Variants in CNNM2 observed in about 807,000 individuals in gnomAD.
CNNM2 encodes cyclin and CBS domain divalent metal cation transport mediator 2.
Under a neutral mutation model 66.9 loss-of-function variants are expected in CNNM2, and 12 were observed. The observed-to-expected ratio is 0.18, with a 90% confidence interval of 0.11 to 0.29. The LOEUF (loss-of-function observed/expected upper bound fraction) is 0.29, where lower values mean the gene tolerates loss of function less well. Among genes scored for constraint, CNNM2 ranks in the 10% least tolerant of loss-of-function variants. The probability of loss-of-function intolerance (pLI) is 1.00; values close to 1 mark genes in which losing one functional copy is unlikely to be tolerated. For synonymous variants in CNNM2, 557 were observed against 501.8 expected, an observed-to-expected ratio of 1.11 and a Z score of -1.47; for missense variants, 705 against 1,167.7, an observed-to-expected ratio of 0.60 and a Z score of 5.77.
chr10:103,022,071 A>G (rs1224682518), intron 1 of CNNM2, among the ~76,000 whole-genome samples: 1 of 152,202 alleles, frequency 6.6e-6, no homozygotes, highest in Non-Finnish European at 1.5e-5. Context: ...TAGGAATTTC[A>G]TCATGGGACT....
In CNNM2 at chr10:102,918,371, A is replaced by T. The variant is rs555951352; in HGVS notation, c.-110A>T. 210 of 1,494,516 alleles carry T rather than the reference A, an allele frequency of 1.4e-4. No individual in the cohort carries two copies. In the South Asian group the frequency reaches 2.4e-3, roughly 17 times the overall value. 92.6% of individuals were successfully genotyped at this position (1,494,516 alleles called of 1,614,324 possible). A position where few individuals can be genotyped will look rare whatever the true frequency, so the allele number is the denominator to read the frequency against. On this transcript the variant is annotated 5_prime_UTR_variant, in exon 1 of 8. Coordinates refer to ENST00000369878, the MANE Select transcript of CNNM2 (RefSeq NM_017649.5). The surrounding 1 kb of genome is among the most constrained non-coding windows in gnomAD (Gnocchi z 4.1). ...GAGTCAGTGTCAGTCAGGGAGGCGA[A>T]CTGCTGAGCACTGGCCGCGGACGCT... is the stretch of plus-strand genomic sequence containing the variant.
chr10:102,929,235 T>C (rs1186311176), intron 1 of CNNM2, among the ~76,000 whole-genome samples: 1 of 151,958 alleles, frequency 6.6e-6, no homozygotes, highest in East Asian at 1.9e-4. Context: ...ACTCCGCCTG[T>C]GCGACAGAGC....
Position 103,018,443 on chromosome 10 carries a change from T to C in CNNM2, c.1622-31264T>C, listed in dbSNP as rs182273666. Among the ~76,000 whole-genome samples the C allele has an allele frequency of 3.4e-3, 510 of 152,224 alleles. 8 individuals are homozygous for C. Among genetic ancestry groups the C allele is most frequent in the Admixed American group, 1.8e-3 (28 of 15,286 alleles). On this transcript the variant is annotated intron_variant, in intron 1 of 7. Coordinates refer to ENST00000369878, the MANE Select transcript of CNNM2 (RefSeq NM_017649.5). Reference sequence around the variant, plus strand: ...TGTATAAATCCAGAATTCAGAGGAATGATCTGGAGGGAGACATAAAAGATC... The same window carrying C: ...TGTATAAATCCAGAATTCAGAGGAACGATCTGGAGGGAGACATAAAAGATC...
At chr10:102,973,456 A>G (rs1170991298) in intron 1 of CNNM2, among the ~76,000 whole-genome samples, 3 of 151,764 alleles carry the variant, frequency 2.0e-5, no homozygotes, top group African/African-American at 7.3e-5. Flanking sequence ...AATGTGTGCA[A>G]TGTGAGCCTA....
intron 4 of CNNM2, among the ~76,000 whole-genome samples, chr10:103,059,460 A>T (rs946160512): frequency 6.6e-6 from 1 of 152,268 alleles, no homozygotes; most frequent in Admixed American, 6.5e-5. Flanking sequence ...ATTCCAAATT[A>T]TTCAAGGAAA....
At chr10:103,003,705 T>C (rs141356281) in intron 1 of CNNM2, among the ~76,000 whole-genome samples, 1 of 151,980 alleles carries the variant, frequency 6.6e-6, no homozygotes, top group African/African-American at 2.4e-5. Flanking sequence ...CCCAGGATGC[T>C]GTGGTTGCAT....
chr10:103,036,305 T>G (rs750560923), intron 1 of CNNM2, among the ~76,000 whole-genome samples: 1 of 152,028 alleles, frequency 6.6e-6, no homozygotes, highest in Non-Finnish European at 1.5e-5. Flanking sequence ...ATGGGAGAAA[T>G]TTCTTCTCTC....
At chr10:102,920,192 A>G in intron 1 of CNNM2, 91 bp downstream of exon 1, 2 of 1,610,022 alleles carry the variant, frequency 1.2e-6, no homozygotes, top group Middle Eastern at 1.7e-4. Context: ...CAACCCCCCA[A>G]GGCGAGTTGA....
intron 1 of CNNM2, among the ~76,000 whole-genome samples, chr10:102,942,024 C>A (rs1225525052): frequency 6.6e-6 from 1 of 152,208 alleles, no homozygotes; most frequent in Non-Finnish European, 1.5e-5. Context: ...AGCCATTTGG[C>A]TCTATATTTA....
Position 102,919,746 on chromosome 10 carries a change from T to G in CNNM2, c.1266T>G (p.Asp422Glu). The change falls in exon 1 of 8, where the codon GAT (aspartate) becomes GAG (glutamate). Residue 422 changes from aspartate to glutamate, a missense_variant. Asp to Glu is a conservative substitution (Grantham distance 45, BLOSUM62 2). This residue lies in a region of CNNM2 where 14 missense variants were observed against 68.6 expected (regional missense o/e 0.20). Transcript: ENST00000369878. ...EKLLEMLRVT[D>E]PYNDLVKEEL... ...TGCTGGAGATGCTCCGGGTCACCGA[T>G]CCCTACAACGACCTCGTTAAGGAGG... 6.2e-7 allele frequency: 1 copy of G among 1,614,188 alleles called. No individual in the cohort carries two copies. Among genetic ancestry groups the G allele is most frequent in the Non-Finnish European group, 8.5e-7 (1 of 1,180,034 alleles).
At chr10:103,051,170 A>AT (rs1207882752) in intron 2 of CNNM2, among the ~76,000 whole-genome samples, 2 of 152,178 alleles carry the variant, frequency 1.3e-5, no homozygotes, top group Non-Finnish European at 2.9e-5. Flanking sequence ...AACATCCCAC[A>AT]TTTTAAAATT....
In CNNM2 at chr10:102,918,858, G is replaced by T. The variant is rs758061224; in HGVS notation, c.378G>T (p.Arg126=). The T allele has an allele frequency of 1.3e-6, 2 of 1,594,196 alleles. No individual in the cohort carries two copies. Among genetic ancestry groups the T allele is most frequent in the African/African-American group, 2.7e-5 (2 of 74,020 alleles). ...TCGCCTTCACCGAGCACGAGCGGCG[G>T]CGCCACAGCCCGGGGGAGCGCGGGC... ...SRIAFTEHER[R]RHSPGERGLG... The change falls in exon 1 of 8, where the codon CGG becomes CGT. Residue 126 remains arginine, a synonymous_variant. Coordinates refer to ENST00000369878, the MANE Select transcript of CNNM2 (RefSeq NM_017649.5). The surrounding 1 kb of genome is among the most constrained non-coding windows in gnomAD (Gnocchi z 4.1).
At position 102,932,916 on chromosome 10, in the gene CNNM2, CA is replaced by C. The variant is rs71019636; in HGVS notation, c.1621+12837del. ...TGGGTGACAGAGCAAGACTCTGTCT[CA>C]AAAAAAAAAAAAAAAAAAAAATTGG... On this transcript the variant is annotated intron_variant, in intron 1 of 7. Coordinates refer to ENST00000369878, the MANE Select transcript of CNNM2 (RefSeq NM_017649.5). 0.19 allele frequency among the ~76,000 whole-genome samples: 13,302 copies of C among 70,724 alleles called. 480 individuals are homozygous for C. The highest frequency in any genetic ancestry group is 0.24 in the East Asian group (576 of 2,422). 46.4% of individuals were successfully genotyped at this position (70,724 alleles called of 152,430 possible). A position where few individuals can be genotyped will look rare whatever the true frequency, so the allele number is the denominator to read the frequency against.
In CNNM2 at chr10:103,048,032, C is replaced by T. The variant is rs186593390; in HGVS notation, c.1622-1675C>T. Among the ~76,000 whole-genome samples the T allele has an allele frequency of 1.1e-4, 16 of 152,060 alleles. No individual in the cohort carries two copies. The East Asian group carries it at 3.1e-3, about 29-fold the overall frequency. On this transcript the variant is annotated intron_variant, in intron 1 of 7. Coordinates refer to ENST00000369878, the MANE Select transcript of CNNM2 (RefSeq NM_017649.5). Reference sequence around the variant, plus strand: ...CACCTCCTGGGTTCAAGCCATTCTCCTGCCTCAGCCTCCTGAGTAGCTGGG... The same window carrying T: ...CACCTCCTGGGTTCAAGCCATTCTCTTGCCTCAGCCTCCTGAGTAGCTGGG...
chr10:103,012,418 G>A (rs750571313), intron 1 of CNNM2, among the ~76,000 whole-genome samples: 1 of 152,140 alleles, frequency 6.6e-6, no homozygotes, highest in Non-Finnish European at 1.5e-5. Context: ...GGCCGAGGCC[G>A]GCAGACCACC....
At chr10:103,031,603 C>T (rs2064819851) in intron 1 of CNNM2, among the ~76,000 whole-genome samples, 1 of 152,108 alleles carries the variant, frequency 6.6e-6, no homozygotes, top group Non-Finnish European at 1.5e-5. Flanking sequence ...TTTCCACTCA[C>T]CCGATGTCTT....
Position 103,077,725 on chromosome 10 carries a change from G to GA in CNNM2, c.*546dup, listed in dbSNP as rs1229173437. 6.4e-6 allele frequency: 1 copy of GA among 157,410 alleles called. No homozygotes were observed. The highest frequency in any genetic ancestry group is 1.4e-5 in the Non-Finnish European group (1 of 71,100). 9.8% of individuals were successfully genotyped at this position (157,410 alleles called of 1,614,324 possible). On this transcript the variant is annotated 3_prime_UTR_variant, in exon 8 of 8. Transcript: ENST00000369878. Reference sequence around the variant, plus strand: ...TCGATCTCGCTGGCTGAATGAAGAAGACCGTGTTACTGCAGAACCTGCCAA... The same window carrying GA: ...TCGATCTCGCTGGCTGAATGAAGAAGAACCGTGTTACTGCAGAACCTGCCAA...
At chr10:103,073,006 T>G (rs1308599388) in intron 6 of CNNM2, among the ~76,000 whole-genome samples, 1 of 152,230 alleles carries the variant, frequency 6.6e-6, no homozygotes, top group Non-Finnish European at 1.5e-5. Flanking sequence ...ATGTGGACCT[T>G]TATTATTATT....
intron 1 of CNNM2, among the ~76,000 whole-genome samples, chr10:102,948,594 C>T (rs1846706202): frequency 6.6e-6 from 1 of 152,114 alleles, no homozygotes; most frequent in South Asian, 2.1e-4. Flanking sequence ...CCTTGCAGGC[C>T]ACACTAAGGG....
Sources: gnomAD v4.1 joint callset for allele counts (sites outside exome capture counted in the v4.1 genomes callset) on GRCh38, gnomAD v4.1.1 for gene constraint, gnomAD v4.1.1 regional missense constraint, Gnocchi (gnomAD v3.1) non-coding constraint, MANE v1.5 for transcripts, NCBI Gene and HGNC (gene_info 2026-07-23, HGNC 2026-07-21) for gene names.